The following PLOD2 variants were observed in gnomAD, a reference collection of about 807,000 sequenced individuals.
PLOD2 encodes procollagen-lysine,2-oxoglutarate 5-dioxygenase 2.
PLOD2 carries 65 observed loss-of-function variants against 101.0 expected under a neutral mutation model. The observed-to-expected ratio is 0.64, with a 90% CI of 0.53 to 0.79. The LOEUF is 0.79. Among genes scored for constraint, PLOD2 ranks in the 30% least tolerant of loss-of-function variants. The probability of loss-of-function intolerance (pLI) is 0.00; values close to 1 mark genes in which losing one functional copy is unlikely to be tolerated. For synonymous variants in PLOD2, 314 were observed against 302.9 expected (o/e 1.04, Z -0.38); for missense variants, 909 against 914.6 (o/e 0.99, Z 0.08).
At chr3:146,139,117 C>T (rs1283171637) in intron 1 of PLOD2, among the ~76,000 whole-genome samples, 1 of 152,044 alleles carries the variant, frequency 6.6e-6, no homozygotes, top group African/African-American at 2.4e-5. Flanking sequence ...CATGGTGATA[C>T]AGACAAGGAA....
chr3:146,075,487 T>TAAAAAAAAA (rs35706246), intron 15 of PLOD2, among the ~76,000 whole-genome samples: 12 of 93,616 alleles, frequency 1.3e-4, no homozygotes, highest in Non-Finnish European at 2.3e-4. Flanking sequence ...CTCAAATCTG[T>TAAAAAAAAA]AAAAAAAAAA....
chr3:146,102,896 T>C (rs1438302172), intron 6 of PLOD2, 44 bp from the exon 7 acceptor site: 6 of 985,912 alleles, frequency 6.1e-6, no homozygotes, highest in Non-Finnish European at 9.8e-6. Flanking sequence ...TTAAAATACG[T>C]GTGTGTGTGT....
chr3:146,126,437 AT>A (rs1172041349), intron 1 of PLOD2, among the ~76,000 whole-genome samples: 2 of 152,160 alleles, frequency 1.3e-5, no homozygotes, highest in African/African-American at 4.8e-5. Flanking sequence ...TTTATGAAGT[AT>A]TACTGTTAGA....
intron 4 of PLOD2, among the ~76,000 whole-genome samples, chr3:146,107,006 C>T (rs1014410828): frequency 6.6e-6 from 1 of 152,176 alleles, no homozygotes; most frequent in African/African-American, 2.4e-5. Context: ...CTCTGACCTT[C>T]TAAAAAGCTC....
intron 1 of PLOD2, among the ~76,000 whole-genome samples, chr3:146,159,571 C>T (rs1427085283): frequency 1.3e-5 from 2 of 152,096 alleles, no homozygotes; most frequent in Non-Finnish European, 2.9e-5. Flanking sequence ...TCTGTTTTTC[C>T]TTTTTAAATT....
chr3:146,113,694 C>T (rs936105590), intron 3 of PLOD2, among the ~76,000 whole-genome samples: 5 of 152,046 alleles, frequency 3.3e-5, no homozygotes, highest in Non-Finnish European at 5.9e-5. Flanking sequence ...TGAGGATGTG[C>T]GTAGCCTTAG....
At chr3:146,082,146 G>T (rs1936566889) in intron 11 of PLOD2, among the ~76,000 whole-genome samples, 1 of 152,080 alleles carries the variant, frequency 6.6e-6, no homozygotes, top group African/African-American at 2.4e-5. Context: ...TTTTAAAAAT[G>T]CCTTGCTTAC....
At chr3:146,137,703 C>T (rs2031313919) in intron 1 of PLOD2, among the ~76,000 whole-genome samples, 1 of 152,134 alleles carries the variant, frequency 6.6e-6, no homozygotes, top group South Asian at 2.1e-4. Flanking sequence ...CCAAGAGTTT[C>T]TGATTCAGTT....
chr3:146,123,055 ATC>A (rs2030287652), intron 2 of PLOD2, among the ~76,000 whole-genome samples: 1 of 151,928 alleles, frequency 6.6e-6, no homozygotes, highest in Non-Finnish European at 1.5e-5. Context: ...TTACCACTAC[ATC>A]TCTTTTTCAG....
At chr3:146,146,956 C>A (rs1475350999) in intron 1 of PLOD2, among the ~76,000 whole-genome samples, 2 of 152,252 alleles carry the variant, frequency 1.3e-5, no homozygotes, top group Middle Eastern at 3.4e-3. Context: ...GTGACTAGGG[C>A]AAGCCATGGG....
At position 146,069,593 on chromosome 3, in the gene PLOD2, T is replaced by G. The variant is rs986655106; in HGVS notation, c.*1124A>C. On this transcript the variant is annotated 3_prime_UTR_variant, in exon 20 of 20. Transcript: ENST00000282903. Reference sequence around the variant, plus strand: ...ATTTCAACCTTACTTAGAGAAGTGATAAAACATCAAGTCAACAAGTATTTT... The same window carrying G: ...ATTTCAACCTTACTTAGAGAAGTGAGAAAACATCAAGTCAACAAGTATTTT... The G allele has an allele frequency of 2.6e-5, 4 of 152,112 alleles. No individual in the cohort carries two copies. Among genetic ancestry groups the G allele is most frequent in the Admixed American group, 6.6e-5 (1 of 15,168 alleles). The allele number at this position is 152,112 out of a possible 1,614,324, so 9.4% of individuals were successfully genotyped here.
At chr3:146,096,452 C>T (rs1466984322) in intron 7 of PLOD2, among the ~76,000 whole-genome samples, 2 of 112,210 alleles carry the variant, frequency 1.8e-5, no homozygotes, top group Non-Finnish European at 3.7e-5. Context: ...CGCCTCTTCC[C>T]CGCCGCCATC....
chr3:146,071,470 TC>T (rs764071584), intron 17 of PLOD2, 47 bp from the exon 18 acceptor site: 2 of 1,554,414 alleles, frequency 1.3e-6, no homozygotes, highest in African/African-American at 2.7e-5. Flanking sequence ...CACGTGCAAT[TC>T]CCATTTATAT....
At chr3:146,138,677 TAGA>T (rs2031368110) in intron 1 of PLOD2, among the ~76,000 whole-genome samples, 1 of 152,128 alleles carries the variant, frequency 6.6e-6, no homozygotes, top group Non-Finnish European at 1.5e-5. Context: ...TCAGAATGAA[TAGA>T]CTGTGCAGGG....
At chr3:146,128,545 G>A (rs1340920429) in intron 1 of PLOD2, among the ~76,000 whole-genome samples, 1 of 152,114 alleles carries the variant, frequency 6.6e-6, no homozygotes, top group African/African-American at 2.4e-5. Context: ...TATCACTACA[G>A]TAAGATTTAA....
At chr3:146,086,607 A>G in intron 10 of PLOD2, 180 bp downstream of exon 10, 1 of 383,312 alleles carries the variant, frequency 2.6e-6, no homozygotes, top group Non-Finnish European at 4.7e-6. Context: ...AGTAACTTCT[A>G]CAGCCCTTTA....
chr3:146,145,199 T>A (rs1268690450), intron 1 of PLOD2, among the ~76,000 whole-genome samples: 1 of 152,132 alleles, frequency 6.6e-6, no homozygotes, highest in Non-Finnish European at 1.5e-5. Context: ...AATATTTTTG[T>A]CTTCATCAAA....
chr3:146,131,081 A>T (rs151028427), intron 1 of PLOD2, among the ~76,000 whole-genome samples: 6 of 152,316 alleles, frequency 3.9e-5, no homozygotes, highest in Non-Finnish European at 8.8e-5. Flanking sequence ...TCTCCAGAAA[A>T]GTTATGGGCA....
Position 146,088,669 on chromosome 3 carries a change from T to A in PLOD2, c.922A>T (p.Thr308Ser), listed in dbSNP as rs780511261. 3 of 1,607,820 alleles carry A rather than the reference T, an allele frequency of 1.9e-6. No homozygotes were observed. The South Asian group carries it at 3.3e-5, about 18-fold the overall frequency. The change falls in exon 9 of 20, where the codon ACC becomes TCC. Residue 308 changes from threonine to serine, a missense_variant. Physicochemically the swap from Thr to Ser is moderately conservative, Grantham distance 58 (BLOSUM62 1). Transcript: ENST00000282903. ...TCCAGAAACCGAGGTAGAAAAGGGG[T>A]TGGTTGCTCAATAAAAACACCTATT... The part of the protein sequence containing the change: ...VSIGVFIEQP[T>S]PFLPRFLDIL...
Sources: gnomAD v4.1 joint callset for allele counts (sites outside exome capture counted in the v4.1 genomes callset) on GRCh38, gnomAD v4.1.1 for gene constraint, MANE v1.5 for transcripts, NCBI Gene and HGNC (gene_info 2026-07-23, HGNC 2026-07-21) for gene names.